PCLO: variants seen among roughly 807,000 people sequenced by gnomAD.
PCLO encodes piccolo presynaptic cytomatrix protein, also known as protein piccolo.
Under a neutral mutation model 427.5 loss-of-function variants are expected in PCLO, and 82 were observed. The ratio of observed to expected loss-of-function variants is 0.19; its 90% CI spans 0.16 to 0.23. The LOEUF (loss-of-function observed/expected upper bound fraction) is 0.23. Among genes scored for constraint, PCLO ranks in the 10% least tolerant of loss-of-function variants. The pLI is 1.00. For missense variants in PCLO, 6,239 were observed against 6,115.9 expected (o/e 1.02, Z -0.67); for synonymous variants, 2,357 against 2,155.4 (o/e 1.09, Z -2.59).
At chr7:83,047,019 TTCTTA>T in intron 3 of PCLO, among the ~76,000 whole-genome samples, 1 of 152,154 alleles carries the variant, frequency 6.6e-6, no homozygotes, top group Non-Finnish European at 1.5e-5. Context: ...AACCTGTTCT[TTCTTA>T]TCTTGAGAGC....
chr7:83,103,968 T>C (rs2116496797), intron 3 of PCLO, among the ~76,000 whole-genome samples: 1 of 152,108 alleles, frequency 6.6e-6, no homozygotes, highest in Middle Eastern at 3.4e-3. Context: ...CCAAGATTCA[T>C]CTAAAGGATT....
intron 10 of PCLO, among the ~76,000 whole-genome samples, chr7:82,853,713 T>C (rs1332690847): frequency 3.9e-5 from 6 of 152,204 alleles, no homozygotes; most frequent in Non-Finnish European, 5.9e-5. Context: ...GGTAGCTGAC[T>C]GTTGACATGT....
chr7:82,922,012 T>C (rs1237567051), intron 6 of PCLO, among the ~76,000 whole-genome samples: 3 of 151,796 alleles, frequency 2.0e-5, no homozygotes, highest in Admixed American at 2.0e-4. Flanking sequence ...GGAATGCAAA[T>C]CAAAACCACA....
intron 10 of PCLO, among the ~76,000 whole-genome samples, chr7:82,867,627 A>G (rs1793129245): frequency 6.6e-6 from 1 of 152,202 alleles, no homozygotes; most frequent in South Asian, 2.1e-4. Flanking sequence ...AAATCCGGAA[A>G]TCTAACTGTA....
chr7:82,965,809 C>G lies in PCLO; in HGVS notation c.3979G>C (p.Ala1327Pro). The change falls in exon 4 of 25, where the codon GCA becomes CCA. Residue 1327 changes from alanine to proline, a missense_variant. Ala to Pro is a conservative substitution (Grantham distance 27, BLOSUM62 -1). This residue lies in a region of PCLO where 4,677 missense variants were observed against 4,468.4 expected (regional missense o/e 1.05). Coordinates refer to ENST00000333891, the MANE Select transcript of PCLO (RefSeq NM_033026.6). Reference protein sequence around the residue: ...IKEQPQPPCTAKPDQVEPGKE... With the variant: ...IKEQPQPPCTPKPDQVEPGKE... ...CCAGGTTCCACCTGATCAGGTTTTG[C>G]TGTGCATGGTGGCTGTGGCTGTTCT... is the stretch of plus-strand genomic sequence containing the variant. 6.2e-7 allele frequency: 1 copy of G among 1,612,394 alleles called. No homozygotes were observed. The highest frequency in any genetic ancestry group is 8.5e-7 in the Non-Finnish European group (1 of 1,179,394).
chr7:82,993,020 G>A (rs1796412578), intron 3 of PCLO, among the ~76,000 whole-genome samples: 1 of 151,806 alleles, frequency 6.6e-6, no homozygotes, highest in Non-Finnish European at 1.5e-5. Context: ...ATACATACAT[G>A]GCACAGTCAG....
chr7:83,146,644 T>C, intron 2 of PCLO, among the ~76,000 whole-genome samples: 1 of 151,046 alleles, frequency 6.6e-6, no homozygotes, highest in African/African-American at 2.4e-5. Flanking sequence ...TCACCCAGGG[T>C]GGAGTGCAGT....
intron 2 of PCLO, among the ~76,000 whole-genome samples, chr7:83,153,550 T>A (rs1167293878): frequency 6.6e-6 from 1 of 152,200 alleles, no homozygotes; most frequent in Non-Finnish European, 1.5e-5. Flanking sequence ...AATCATGTAA[T>A]CCTTCACTGC....
At chr7:82,988,033 T>C (rs1334287162) in intron 3 of PCLO, among the ~76,000 whole-genome samples, 1 of 152,038 alleles carries the variant, frequency 6.6e-6, no homozygotes, top group Non-Finnish European at 1.5e-5. Context: ...AATGAATGAG[T>C]ATGGATATAC....
At chr7:83,020,855 T>G (rs571036175) in intron 3 of PCLO, among the ~76,000 whole-genome samples, 1 of 152,282 alleles carries the variant, frequency 6.6e-6, no homozygotes, top group East Asian at 1.9e-4. Context: ...CATTAATCAT[T>G]AGGTCAGCTT....
chr7:82,757,138 G>A lies in PCLO; in HGVS notation c.*1437C>T, dbSNP rs1049444884. ...AGATAAGAAAACTGGGGTAAAGTGA[G>A]TGTAAGTGACATGTGCAAAGTGACA... On this transcript the variant is annotated 3_prime_UTR_variant, in exon 25 of 25. Coordinates refer to ENST00000333891, the MANE Select transcript of PCLO (RefSeq NM_033026.6). 4 of 152,046 alleles carry A rather than the reference G, an allele frequency of 2.6e-5. No individual in the cohort carries two copies. The highest frequency in any genetic ancestry group is 5.9e-5 in the Non-Finnish European group (4 of 67,974). The allele number at this position is 152,046 out of a possible 1,614,324, so 9.4% of individuals were successfully genotyped here.
At chr7:83,020,257 T>C (rs1788309245) in intron 3 of PCLO, among the ~76,000 whole-genome samples, 1 of 152,136 alleles carries the variant, frequency 6.6e-6, no homozygotes, top group African/African-American at 2.4e-5. Context: ...TGTTGATGCA[T>C]GCTGTTACAT....
chr7:82,771,124 T>C (rs374461924), intron 22 of PCLO, among the ~76,000 whole-genome samples: 2 of 151,944 alleles, frequency 1.3e-5, no homozygotes, highest in African/African-American at 4.8e-5. Flanking sequence ...AAAAATACCA[T>C]GATTGTAAGA....
At chr7:82,822,392 G>C in intron 20 of PCLO, 103 bp downstream of exon 20, 3 of 1,601,402 alleles carry the variant, frequency 1.9e-6, no homozygotes, top group African/African-American at 1.3e-5. Flanking sequence ...AGGGTGAGCA[G>C]AGGATGTTGA....
rs866793243 is a variant in PCLO, at chr7:82,920,649, A to T, written c.11113-3776T>A. On this transcript the variant is annotated intron_variant, in intron 6 of 24. Coordinates refer to ENST00000333891, the MANE Select transcript of PCLO (RefSeq NM_033026.6). ...AGTAATTTTAAAGAACATTTTCCTT[A>T]GGAAAGTTAATTTATATAATGCAAT... 2.2e-3 allele frequency among the ~76,000 whole-genome samples: 339 copies of T among 151,938 alleles called. 2 individuals are homozygous for T. Among genetic ancestry groups the T allele is most frequent in the Middle Eastern group, 0.01 (3 of 294 alleles).
At chr7:82,847,634 T>C (rs1792540047) in intron 10 of PCLO, among the ~76,000 whole-genome samples, 1 of 152,194 alleles carries the variant, frequency 6.6e-6, no homozygotes, top group South Asian at 2.1e-4. Context: ...AACAAGCTAC[T>C]AGAAGAATGT....
rs1056359698 is a variant in PCLO, at chr7:83,111,125, A to G, written c.3300+23125T>C. Among the ~76,000 whole-genome samples the G allele has an allele frequency of 2.0e-5, 3 of 152,340 alleles. No homozygotes were observed. In the South Asian group the frequency reaches 6.2e-4, roughly 32 times the overall value. On this transcript the variant is annotated intron_variant, in intron 3 of 24. Coordinates refer to ENST00000333891, the MANE Select transcript of PCLO (RefSeq NM_033026.6). ...ATCCATATGTCAATGAATTATCACT[A>G]TATACTTATGTATGCATGTCCTGTG...
chr7:82,990,045 A>C (rs1023661657), intron 3 of PCLO, among the ~76,000 whole-genome samples: 16 of 152,172 alleles, frequency 1.1e-4, no homozygotes, highest in Non-Finnish European at 2.4e-4. Context: ...GTTTGTGGGA[A>C]AATAGTGAAA....
intron 4 of PCLO, among the ~76,000 whole-genome samples, chr7:82,958,060 A>G (rs1307600465): frequency 1.3e-5 from 2 of 152,220 alleles, no homozygotes; most frequent in African/African-American, 4.8e-5. Flanking sequence ...TGTTTAAAGG[A>G]GAGTGTCACA....
Sources: gnomAD v4.1 joint callset for allele counts (sites outside exome capture counted in the v4.1 genomes callset) on GRCh38, gnomAD v4.1.1 for gene constraint, gnomAD v4.1.1 regional missense constraint, MANE v1.5 for transcripts, NCBI Gene and HGNC (gene_info 2026-07-23, HGNC 2026-07-21) for gene names.